The following ZNF398 variants were observed in gnomAD, a reference collection of about 807,000 sequenced individuals.
The protein encoded by ZNF398 is zinc finger DNA binding protein ZER6.
A neutral mutation model predicts 41.9 loss-of-function variants in ZNF398; 18 were observed. That is an observed-to-expected ratio of 0.43 (90% CI 0.30 to 0.64). ZNF398 has a LOEUF of 0.64. Ranked by LOEUF, ZNF398 falls within the 30% of genes least tolerant of loss-of-function variation. The pLI, the probability that ZNF398 is intolerant of heterozygous loss-of-function variation, is 0.14. For missense variants in ZNF398, 669 were observed against 822.8 expected, an observed-to-expected ratio of 0.81 and a Z score of 2.29; for synonymous variants, 260 against 308.8, an observed-to-expected ratio of 0.84 and a Z score of 1.66.
intron 5 of ZNF398, among the ~76,000 whole-genome samples, chr7:149,177,579 C>T (rs757188149): frequency 1.3e-5 from 2 of 152,058 alleles, no homozygotes; most frequent in African/African-American, 4.8e-5. Context: ...GGGTAGCATT[C>T]TACAAAAGGG....
At chr7:149,144,739 C>T (rs988476860), upstream of ZNF398, among the ~76,000 whole-genome samples, 1 of 151,996 alleles carries the variant, frequency 6.6e-6, no homozygotes, top group Non-Finnish European at 1.5e-5. Context: ...TAGGCACCCA[C>T]GACCACGCCC....
At chr7:149,136,368 G>A (rs1035128284) in intron 2 of ZNF398, among the ~76,000 whole-genome samples, 2 of 152,070 alleles carry the variant, frequency 1.3e-5, no homozygotes, top group Non-Finnish European at 2.9e-5. Flanking sequence ...GCCAGGCAGA[G>A]GTGCGCCTCA....
chr7:149,146,895 C>T (rs76690579), upstream of ZNF398, among the ~76,000 whole-genome samples: 97 of 152,056 alleles, frequency 6.4e-4, no homozygotes, highest in African/African-American at 2.1e-3. Flanking sequence ...CAGACCAGGC[C>T]CCGGAGAGTC....
chr7:149,143,680 C>T (rs10952799), upstream of ZNF398, among the ~76,000 whole-genome samples: 80,882 of 151,604 alleles, frequency 0.53, 25,019 homozygotes, highest in East Asian at 0.9. Flanking sequence ...CCCATGGTGG[C>T]GCATGCCTGT....
Position 149,147,845 on chromosome 7 carries a change from GC to G in ZNF398, c.24+81del. ...GAGGAAGGCGGGCGGGCAGGGAGCT[GC>G]CAGGCATAGGCGCCGTTCTCGGGTC... is the stretch of plus-strand genomic sequence containing the variant. On this transcript the variant is annotated intron_variant, in intron 1 of 5. Coordinates refer to ENST00000475153, the MANE Select transcript of ZNF398 (RefSeq NM_170686.3). This position sits in a 1 kb window ranked among gnomAD's most constrained non-coding sequence, Gnocchi z 5.6. 1 of 1,304,304 alleles carries G rather than the reference GC, an allele frequency of 7.7e-7. No individual in the cohort carries two copies. Among genetic ancestry groups the G allele is most frequent in the Non-Finnish European group, 9.8e-7 (1 of 1,019,836 alleles). 80.8% of individuals were successfully genotyped at this position (1,304,304 alleles called of 1,614,324 possible). A position where few individuals can be genotyped will look rare whatever the true frequency, so the allele number is the denominator to read the frequency against.
chr7:149,172,050 A>G (rs76364055), intron 4 of ZNF398, among the ~76,000 whole-genome samples: 98 of 152,316 alleles, frequency 6.4e-4, no homozygotes, highest in African/African-American at 2.1e-3. Flanking sequence ...TATTCAGCAC[A>G]AATATAAACC....
intron 1 of ZNF398, among the ~76,000 whole-genome samples, chr7:149,149,682 A>AT (rs567290340): frequency 1.0e-4 from 15 of 150,202 alleles, no homozygotes; most frequent in Admixed American, 4.7e-4. Context: ...TACAAAAAAA[A>AT]TTTTTTTTTT....
At chr7:149,157,909 G>A (rs1795019271) in intron 2 of ZNF398, among the ~76,000 whole-genome samples, 3 of 150,532 alleles carry the variant, frequency 2.0e-5, no homozygotes, top group Admixed American at 6.7e-5. Context: ...AGATTAAGAA[G>A]GAAAGGCTGG....
chr7:149,175,342 C>A (rs57611424), intron 4 of ZNF398, among the ~76,000 whole-genome samples: 5,409 of 149,974 alleles, frequency 0.036, 314 homozygotes, highest in African/African-American at 0.13. Flanking sequence ...TCCATTTAGT[C>A]CAAAAAAAAA....
At chr7:149,142,027 C>T (rs1826836165) in intron 2 of ZNF398, among the ~76,000 whole-genome samples, 2 of 152,092 alleles carry the variant, frequency 1.3e-5, no homozygotes, top group Non-Finnish European at 2.9e-5. Flanking sequence ...TGGCTTACTA[C>T]AGCTCCAAAC....
At chr7:149,171,398 T>C (rs921401213) in intron 4 of ZNF398, among the ~76,000 whole-genome samples, 1 of 152,124 alleles carries the variant, frequency 6.6e-6, no homozygotes, top group African/African-American at 2.4e-5. Context: ...AAATGAAGTC[T>C]TGCCCTGTCG....
chr7:149,147,588 ACGGC>A lies in ZNF398; in HGVS notation c.-152_-149del. Reference sequence around the variant, plus strand: ...GCGTTCCTGCGCGTCCCGAGCCCCGACGGCCGCGTGAGTCCCGTCCGTGCGGGGA... The same window carrying A: ...GCGTTCCTGCGCGTCCCGAGCCCCGACGCGTGAGTCCCGTCCGTGCGGGGA... On this transcript the variant is annotated 5_prime_UTR_variant, in exon 1 of 6. Transcript: ENST00000475153. The surrounding 1 kb of genome is among the most constrained non-coding windows in gnomAD (Gnocchi z 5.6). 1 of 850,470 alleles carries A rather than the reference ACGGC, an allele frequency of 1.2e-6. No homozygotes were observed. Among genetic ancestry groups the A allele is most frequent in the Non-Finnish European group, 1.5e-6 (1 of 653,582 alleles). The allele number at this position is 850,470 out of a possible 1,614,324, so 52.7% of individuals were successfully genotyped here.
Position 149,179,407 on chromosome 7 carries a change from C to A in ZNF398, c.1535C>A (p.Pro512His), listed in dbSNP as rs1795543327. 6.2e-7 allele frequency: 1 copy of A among 1,613,898 alleles called. No individual in the cohort carries two copies. Among genetic ancestry groups the A allele is most frequent in the South Asian group, 1.1e-5 (1 of 91,086 alleles). The part of the protein sequence containing the change: ...QMIHTGERPY[P>H]CTDCSKSFMR... ...ATCCACACAGGCGAGCGTCCTTACC[C>A]CTGCACTGACTGCAGTAAGAGCTTC... Residue 512 changes from proline (P) to histidine (H), a missense_variant, in exon 6 of 6, where the codon CCC becomes CAC. By Grantham distance (77) the Pro-to-His change is moderately conservative. Coordinates refer to ENST00000475153, the MANE Select transcript of ZNF398 (RefSeq NM_170686.3). The surrounding 1 kb of genome is among the most constrained non-coding windows in gnomAD (Gnocchi z 6.1).
At chr7:149,170,804 G>A (rs1274964150) in intron 4 of ZNF398, among the ~76,000 whole-genome samples, 1 of 152,042 alleles carries the variant, frequency 6.6e-6, no homozygotes, top group Admixed American at 6.6e-5. Context: ...AGGACTGGAA[G>A]TTGTTCTCAC....
chr7:149,166,795 C>A, intron 3 of ZNF398, 22 bp from the exon 4 acceptor site: 1 of 1,539,078 alleles, frequency 6.5e-7, no homozygotes, highest in Non-Finnish European at 9.0e-7. Context: ...GTAATACTCT[C>A]TCTTCCTTTT....
In ZNF398 at chr7:149,175,287, G is replaced by A. The variant is rs556317795; in HGVS notation, c.662-1181G>A. On this transcript the variant is annotated intron_variant, in intron 4 of 5. Transcript: ENST00000475153. ...GAAATAACTATAGAGAGCTTCAGGG[G>A]ACTCTCTGGAGCTTGACAAGCTCTC... is the stretch of plus-strand genomic sequence containing the variant. Among the ~76,000 whole-genome samples the A allele has an allele frequency of 2.0e-5, 3 of 152,038 alleles. No individual in the cohort carries two copies. The South Asian group carries it at 6.2e-4, about 32-fold the overall frequency.
chr7:149,145,963 T>TA (rs1826929338), upstream of ZNF398, among the ~76,000 whole-genome samples: 1 of 148,014 alleles, frequency 6.8e-6, no homozygotes, highest in Non-Finnish European at 1.5e-5. Context: ...TTTTTTTTTT[T>TA]AAGATGGAGT....
At chr7:149,136,890 G>A (rs1245398129) in intron 2 of ZNF398, among the ~76,000 whole-genome samples, 3 of 141,052 alleles carry the variant, frequency 2.1e-5, no homozygotes, top group Non-Finnish European at 3.0e-5. Flanking sequence ...TTTTGAGACC[G>A]AGTTTTGCTC....
In ZNF398 at chr7:149,181,226, C is replaced by T. The variant is rs925219693; in HGVS notation, c.*1425C>T. On this transcript the variant is annotated 3_prime_UTR_variant, in exon 6 of 6. Coordinates refer to ENST00000475153, the MANE Select transcript of ZNF398 (RefSeq NM_170686.3). ...ATTCCTTTTCCTGCCAAAGTTCTGTCTCTGTCTTTGGCTTCTGTCCAGGCA... is the reference window on the plus strand; with the variant it reads ...ATTCCTTTTCCTGCCAAAGTTCTGTTTCTGTCTTTGGCTTCTGTCCAGGCA... 6.6e-5 allele frequency: 10 copies of T among 152,606 alleles called. No individual in the cohort carries two copies. The highest frequency in any genetic ancestry group is 1.3e-4 in the Non-Finnish European group (9 of 68,036). 9.5% of individuals were successfully genotyped at this position (152,606 alleles called of 1,614,324 possible). A position where few individuals can be genotyped will look rare whatever the true frequency, so the allele number is the denominator to read the frequency against.
Sources: gnomAD v4.1 joint callset for allele counts (sites outside exome capture counted in the v4.1 genomes callset) on GRCh38, gnomAD v4.1.1 for gene constraint, Gnocchi (gnomAD v3.1) non-coding constraint, MANE v1.5 for transcripts, NCBI Gene and HGNC (gene_info 2026-07-23, HGNC 2026-07-21) for gene names.